Variants in ACTR3C observed in about 807,000 individuals in gnomAD.
ACTR3C encodes actin related protein 3C.
In ACTR3C, 18 loss-of-function variants were observed where a neutral mutation model predicts 26.3. The ratio of observed to expected loss-of-function variants is 0.68; its 90% CI spans 0.47 to 1.01. ACTR3C has a LOEUF of 1.01. Among genes scored for constraint, ACTR3C ranks in the 50% least tolerant of loss-of-function variants. ACTR3C has a pLI of 0.00. For synonymous variants in ACTR3C, 55 were observed against 94.5 expected (o/e 0.58, Z 2.42); for missense variants, 184 against 250.7 (o/e 0.73, Z 1.80).
At chr7:150,316,483 A>ATTTTTTT (rs35767189) in intron 1 of ACTR3C, among the ~76,000 whole-genome samples, 2 of 80,528 alleles carry the variant, frequency 2.5e-5, no homozygotes, top group Admixed American at 1.3e-4. Context: ...GAATCTGGTT[A>ATTTTTTT]TTTTTTTTTT....
chr7:150,292,142 A>G (rs1836316602), intron 3 of ACTR3C, among the ~76,000 whole-genome samples: 1 of 150,634 alleles, frequency 6.6e-6, no homozygotes, highest in Non-Finnish European at 1.5e-5. Flanking sequence ...TTTGCATTTT[A>G]AAAGAGCTGT....
the ACTR3C span, among the ~76,000 whole-genome samples, chr7:150,067,243 T>G: frequency 6.6e-6 from 1 of 152,186 alleles, no homozygotes; most frequent in Non-Finnish European, 1.5e-5. Flanking sequence ...GGATGGGGAC[T>G]TGGAAATGAT....
At chr7:150,006,481 GC>G in the ACTR3C span, among the ~76,000 whole-genome samples, 1 of 149,596 alleles carries the variant, frequency 6.7e-6, no homozygotes, top group Non-Finnish European at 1.5e-5. Flanking sequence ...ACAGGCATGA[GC>G]CACCGCAAAC....
At chr7:150,226,070 A>G in the ACTR3C span, among the ~76,000 whole-genome samples, 4 of 152,220 alleles carry the variant, frequency 2.6e-5, no homozygotes, top group African/African-American at 9.6e-5. Flanking sequence ...CTATGGCTAC[A>G]CCACACTTTC....
At chr7:150,309,248 G>A (rs1055609386) in intron 1 of ACTR3C, among the ~76,000 whole-genome samples, 3 of 152,186 alleles carry the variant, frequency 2.0e-5, no homozygotes, top group Non-Finnish European at 4.4e-5. Context: ...AGCCACTCAA[G>A]GTAAAGATGA....
chr7:149,982,220 G>A, the ACTR3C span, among the ~76,000 whole-genome samples: 23,237 of 151,968 alleles, frequency 0.15, 3,482 homozygotes, highest in African/African-American at 0.39. Flanking sequence ...GTGCCTGGGA[G>A]TTGAGCAATG....
the ACTR3C span, chr7:150,044,640 A>G: frequency 6.6e-6 from 1 of 152,220 alleles, no homozygotes; most frequent in Non-Finnish European, 1.5e-5. Context: ...TTAGACTACC[A>G]TAAATTTTAT....
downstream of ACTR3C, among the ~76,000 whole-genome samples, chr7:150,241,337 T>C (rs1212802165): frequency 2.0e-5 from 3 of 152,226 alleles, no homozygotes; most frequent in East Asian, 5.8e-4. Flanking sequence ...CTCACACATA[T>C]ATCATCAACT....
At chr7:149,902,571 C>A in the ACTR3C span, among the ~76,000 whole-genome samples, 1 of 97,048 alleles carries the variant, frequency 1.0e-5, no homozygotes, top group Non-Finnish European at 2.2e-5. Flanking sequence ...GCCTGGGCAA[C>A]AAGAGAGACC....
chr7:150,007,004 T>C, the ACTR3C span, among the ~76,000 whole-genome samples: 30 of 152,258 alleles, frequency 2.0e-4, no homozygotes, highest in East Asian at 5.8e-3. Context: ...GCATCTTAGC[T>C]CCTTGGAGCA....
At chr7:150,094,817 C>T in the ACTR3C span, among the ~76,000 whole-genome samples, 1 of 150,762 alleles carries the variant, frequency 6.6e-6, no homozygotes, top group East Asian at 1.9e-4. Context: ...CCATAGCCGC[C>T]AACACTCTGG....
the ACTR3C span, among the ~76,000 whole-genome samples, chr7:149,913,372 T>C: frequency 8.5e-5 from 13 of 152,242 alleles, no homozygotes; most frequent in Non-Finnish European, 1.5e-4. Flanking sequence ...TACTAGTCAC[T>C]GAGCCGTACT....
the ACTR3C span, among the ~76,000 whole-genome samples, chr7:150,035,284 GA>G: frequency 6.2e-4 from 39 of 62,492 alleles, 2 homozygotes; most frequent in Admixed American, 1.1e-3. Context: ...CTGCCTCGTG[GA>G]GAGTGCCTCC....
At chr7:149,967,897 G>A in the ACTR3C span, among the ~76,000 whole-genome samples, 1 of 151,950 alleles carries the variant, frequency 6.6e-6, no homozygotes, top group Non-Finnish European at 1.5e-5. Context: ...GTGTCGGGGG[G>A]TGGCGGGTTT....
At chr7:150,284,462 C>T (rs1835600517) in intron 6 of ACTR3C, among the ~76,000 whole-genome samples, 1 of 152,148 alleles carries the variant, frequency 6.6e-6, no homozygotes, top group Non-Finnish European at 1.5e-5. Context: ...AGGAGAATTG[C>T]TTGAACCCAG....
At chr7:150,299,072 C>T (rs1795191660) in intron 1 of ACTR3C, among the ~76,000 whole-genome samples, 2 of 150,262 alleles carry the variant, frequency 1.3e-5, no homozygotes, top group East Asian at 3.9e-4. Context: ...GACTCCACCT[C>T]CCAGAATTCA....
the ACTR3C span, among the ~76,000 whole-genome samples, chr7:149,955,914 A>T: frequency 6.6e-6 from 1 of 152,198 alleles, no homozygotes; most frequent in Non-Finnish European, 1.5e-5. Flanking sequence ...TCACCCTGGG[A>T]TTAACAGAAA....
intron 1 of ACTR3C, 45 bp from the exon 2 acceptor site, chr7:150,295,392 T>C (rs779589014): frequency 6.9e-5 from 109 of 1,577,200 alleles, no homozygotes; most frequent in Non-Finnish European, 4.7e-5. Flanking sequence ...CCAAATTTCA[T>C]GTAAATACAT....
chr7:149,903,804 A>G, the ACTR3C span, among the ~76,000 whole-genome samples: 1 of 145,726 alleles, frequency 6.9e-6, no homozygotes, highest in Non-Finnish European at 1.5e-5. Flanking sequence ...TCGGCCTACC[A>G]AAGTGCTGCA....
Sources: allele counts gnomAD v4.1 joint callset (sites outside exome capture counted in the v4.1 genomes callset), GRCh38; gene constraint gnomAD v4.1.1; transcripts MANE v1.5; gene names NCBI Gene and HGNC (gene_info 2026-07-23, HGNC 2026-07-21).